DNER: variants seen among roughly 807,000 people sequenced by gnomAD.
The protein encoded by DNER is delta/notch like EGF repeat containing, also known as delta and Notch-like epidermal growth factor-related receptor.
A neutral mutation model predicts 78.2 loss-of-function variants in DNER; 33 were observed. The observed-to-expected ratio is 0.42, with a 90% CI of 0.32 to 0.56. DNER has a LOEUF of 0.56. Ranked by LOEUF, DNER falls within the 20% of genes least tolerant of loss-of-function variation. The pLI is 0.11. For missense variants in DNER, 918 were observed against 975.3 expected, an observed-to-expected ratio of 0.94 and a Z score of 0.78; for synonymous variants, 417 against 384.8, an observed-to-expected ratio of 1.08 and a Z score of -0.98.
At chr2:229,418,717 C>T (rs759725839) in intron 8 of DNER, among the ~76,000 whole-genome samples, 2 of 151,954 alleles carry the variant, frequency 1.3e-5, no homozygotes, top group African/African-American at 4.8e-5. Context: ...CTCAGGAGTT[C>T]GAGACCAGCC....
intron 7 of DNER, among the ~76,000 whole-genome samples, chr2:229,475,862 A>T (rs1225786769): frequency 6.6e-6 from 1 of 152,130 alleles, no homozygotes; most frequent in Non-Finnish European, 1.5e-5. Flanking sequence ...GCTGCCCTTG[A>T]CTAAACACTA....
At chr2:229,516,019 C>A (rs1200877929) in intron 5 of DNER, among the ~76,000 whole-genome samples, 3 of 152,142 alleles carry the variant, frequency 2.0e-5, no homozygotes, top group East Asian at 3.9e-4. Flanking sequence ...CAAGCAGGAA[C>A]CTTGAAAGAA....
intron 1 of DNER, among the ~76,000 whole-genome samples, chr2:229,616,606 G>T (rs1273743746): frequency 2.0e-5 from 3 of 152,144 alleles, no homozygotes; most frequent in Non-Finnish European, 4.4e-5. Flanking sequence ...ACTAACTGGG[G>T]AATCAAGAGA....
chr2:229,380,275 C>T (rs1182778406), intron 11 of DNER, among the ~76,000 whole-genome samples: 1 of 152,138 alleles, frequency 6.6e-6, no homozygotes, highest in East Asian at 1.9e-4. Context: ...CCAGTGAGGG[C>T]CTGGTCTTGT....
At chr2:229,412,588 C>G (rs149505818) in intron 9 of DNER, among the ~76,000 whole-genome samples, 1 of 152,244 alleles carries the variant, frequency 6.6e-6, no homozygotes, top group East Asian at 1.9e-4. Flanking sequence ...GAGGAAGAAG[C>G]CACATCTCTT....
intron 7 of DNER, among the ~76,000 whole-genome samples, chr2:229,470,047 G>A (rs554917385): frequency 1.3e-5 from 2 of 152,324 alleles, no homozygotes; most frequent in South Asian, 4.1e-4. Flanking sequence ...AGGTACTGCC[G>A]ATGCTGTTGT....
chr2:229,677,869 C>T (rs570924280), intron 1 of DNER, among the ~76,000 whole-genome samples: 1 of 152,234 alleles, frequency 6.6e-6, no homozygotes, highest in East Asian at 1.9e-4. Context: ...GGAAGATAAA[C>T]CTGAACTCTG....
At chr2:229,390,464 C>T (rs892823085) in intron 10 of DNER, among the ~76,000 whole-genome samples, 18 of 152,232 alleles carry the variant, frequency 1.2e-4, no homozygotes, top group African/African-American at 4.1e-4. Context: ...CCCCCATGCA[C>T]GTATTAAATC....
intron 4 of DNER, among the ~76,000 whole-genome samples, chr2:229,568,526 C>T (rs1265201431): frequency 5.3e-5 from 8 of 152,270 alleles, no homozygotes; most frequent in South Asian, 2.1e-4. Context: ...ATACAAGTAT[C>T]GCACTAATAG....
At chr2:229,663,956 T>G (rs57351570) in intron 1 of DNER, among the ~76,000 whole-genome samples, 17,111 of 152,134 alleles carry the variant, frequency 0.11, 2,273 homozygotes, top group African/African-American at 0.32. Context: ...ACCTTCTGTA[T>G]GTGTGCAATT....
chr2:229,487,024 T>C (rs1695290566), intron 6 of DNER, among the ~76,000 whole-genome samples: 1 of 152,218 alleles, frequency 6.6e-6, no homozygotes, highest in South Asian at 2.1e-4. Flanking sequence ...CAAATATTAA[T>C]ATTATTCATT....
At chr2:229,497,897 A>G (rs528406435) in intron 6 of DNER, among the ~76,000 whole-genome samples, 22 of 152,282 alleles carry the variant, frequency 1.4e-4, no homozygotes, top group Non-Finnish European at 1.2e-4. Context: ...AAGAGCTAAT[A>G]CCAATTTTTC....
chr2:229,511,133 T>C (rs1169519034), intron 6 of DNER, among the ~76,000 whole-genome samples: 3 of 152,184 alleles, frequency 2.0e-5, no homozygotes, highest in Non-Finnish European at 4.4e-5. Context: ...TCTTGTTTCT[T>C]ACAATGAGTA....
intron 8 of DNER, among the ~76,000 whole-genome samples, chr2:229,439,108 C>T (rs1694184266): frequency 6.6e-6 from 1 of 152,172 alleles, no homozygotes; most frequent in African/African-American, 2.4e-5. Flanking sequence ...GAGCTTTGCC[C>T]AGCATCTGGC....
rs1263648324 is a variant in DNER, at chr2:229,550,145, ACC to A, written c.848-3055_848-3054del. Among the ~76,000 whole-genome samples the A allele has an allele frequency of 2.3e-3, 343 of 151,494 alleles. 1 individual carries two copies. The highest frequency in any genetic ancestry group is 7.9e-3 in the African/African-American group (328 of 41,288). On this transcript the variant is annotated intron_variant, in intron 4 of 12. Coordinates refer to ENST00000341772, the MANE Select transcript of DNER (RefSeq NM_139072.4). ...GTACCTGGGATTACATATACGCGCC[ACC>A]ACACCCAGCTAATTTTTGTGGTTTT...
chr2:229,462,477 A>G (rs1694723595), intron 7 of DNER, among the ~76,000 whole-genome samples: 1 of 151,866 alleles, frequency 6.6e-6, no homozygotes, highest in South Asian at 2.1e-4. Flanking sequence ...TCTTCTCTGA[A>G]CCCCCATATC....
At chr2:229,581,018 G>A (rs938267870) in intron 4 of DNER, among the ~76,000 whole-genome samples, 1 of 152,168 alleles carries the variant, frequency 6.6e-6, no homozygotes, top group Non-Finnish European at 1.5e-5. Flanking sequence ...GGATGGGGCC[G>A]GCAGTGAGCT....
chr2:229,642,857 T>G (rs562154871), intron 1 of DNER, among the ~76,000 whole-genome samples: 2 of 152,180 alleles, frequency 1.3e-5, no homozygotes, highest in Non-Finnish European at 1.5e-5. Context: ...TCCAATGTAG[T>G]GAGAGCATTA....
intron 1 of DNER, among the ~76,000 whole-genome samples, chr2:229,603,564 G>C (rs777852727): frequency 3.9e-5 from 6 of 152,142 alleles, no homozygotes; most frequent in Non-Finnish European, 8.8e-5. Flanking sequence ...CTTGTGTAAA[G>C]AATATAAACA....
Sources: gnomAD v4.1 joint callset for allele counts (sites outside exome capture counted in the v4.1 genomes callset) on GRCh38, gnomAD v4.1.1 for gene constraint, MANE v1.5 for transcripts, NCBI Gene and HGNC (gene_info 2026-07-23, HGNC 2026-07-21) for gene names.